Variants in C2CD4D observed in about 807,000 individuals in gnomAD.
The protein encoded by C2CD4D is C2 calcium-dependent domain-containing protein 4D.
Under a neutral mutation model 0.2 loss-of-function variants are expected in C2CD4D, and 1 was observed. The ratio of observed to expected loss-of-function variants is 4.00; its 90% CI spans 1.42 to 18.99. The LOEUF (loss-of-function observed/expected upper bound fraction) is 18.99. Ranked by LOEUF, C2CD4D falls within the 30% of genes most tolerant of loss-of-function variation. The pLI is 0.11. For synonymous variants in C2CD4D, 269 were observed against 279.8 expected (o/e 0.96, Z 0.39); for missense variants, 552 against 551.2 (o/e 1.00, Z -0.01).
Position 151,838,234 on chromosome 1 carries a change from CCCGGGGCGGGACCGCGG to C in C2CD4D, c.739_755del (p.Pro247GlufsTer104), listed in dbSNP as rs1324410189. The C allele has an allele frequency of 5.6e-6, 8 of 1,418,274 alleles. No individual in the cohort carries two copies. In the East Asian group the frequency reaches 2.1e-4, roughly 37 times the overall value. 87.9% of individuals were successfully genotyped at this position (1,418,274 alleles called of 1,614,324 possible). ...CCACACAGCAGCCGCCGCCGCCGCT[CCCGGGGCGGGACCGCGG>C]CCGGGGCAGGCCCTCGGCGCTCACT... On this transcript the variant is annotated frameshift_variant, in exon 2 of 2. Transcript: ENST00000454109. LOFTEE classifies it low-confidence loss of function (END_TRUNC).
chr1:151,838,234 C>CCCGGGGCGGGACCGCGG lies in C2CD4D; in HGVS notation c.739_755dup (p.Ser253ArgfsTer16), dbSNP rs1324410189. 5.6e-6 allele frequency: 8 copies of CCCGGGGCGGGACCGCGG among 1,418,276 alleles called. No individual in the cohort carries two copies. In the East Asian group the frequency reaches 2.1e-4, roughly 37 times the overall value. The allele number at this position is 1,418,276 out of a possible 1,614,324, so 87.9% of individuals were successfully genotyped here. On this transcript the variant is annotated frameshift_variant, in exon 2 of 2. Transcript: ENST00000454109. LOFTEE classifies it low-confidence loss of function (END_TRUNC). ...CCACACAGCAGCCGCCGCCGCCGCT[C>CCCGGGGCGGGACCGCGG]CCGGGGCGGGACCGCGGCCGGGGCA...
chr1:151,838,161 C>T lies in C2CD4D; in HGVS notation c.829G>A (p.Val277Met), dbSNP rs574774029. Residue 277 changes from valine (V) to methionine (M), a missense_variant, in exon 2 of 2, where the codon GTG becomes ATG. By Grantham distance (21) the Val-to-Met change is conservative (BLOSUM62 1). Coordinates refer to ENST00000454109, the Ensembl canonical transcript of C2CD4D. ...ATGGGGTTGGCGCTGCACTTGACCACGCGGCTCTGCTGCTCCCGCGGCCGG... is the reference window on the plus strand; with the variant it reads ...ATGGGGTTGGCGCTGCACTTGACCATGCGGCTCTGCTGCTCCCGCGGCCGG... The T allele has an allele frequency of 3.9e-5, 61 of 1,550,996 alleles. No individual in the cohort carries two copies. The African/African-American group carries it at 8.1e-4, about 21-fold the overall frequency.
At position 151,838,401 on chromosome 1, in the gene C2CD4D, G is replaced by A. The variant is rs776139582; in HGVS notation, c.589C>T (p.Leu197=). Reference sequence around the variant, plus strand: ...CGCAGCTGGCAGCACAGGAAGTCCAGGTGGAAGAGCGGCGGCGTGGGCGGC... The same window carrying A: ...CGCAGCTGGCAGCACAGGAAGTCCAAGTGGAAGAGCGGCGGCGTGGGCGGC... Residue 197 remains leucine (L), a synonymous_variant, in exon 2 of 2, where the codon CTG becomes TTG. Coordinates refer to ENST00000454109, the Ensembl canonical transcript of C2CD4D. 2.0e-4 allele frequency: 291 copies of A among 1,439,810 alleles called. No homozygotes were observed. The Middle Eastern group carries it at 3.1e-3, about 15-fold the overall frequency. 89.2% of individuals were successfully genotyped at this position (1,439,810 alleles called of 1,614,324 possible). A position where few individuals can be genotyped will look rare whatever the true frequency, so the allele number is the denominator to read the frequency against.
At chr1:151,838,900 G>T in exon 2 of C2CD4D, 1 of 1,547,208 alleles carries the variant, frequency 6.5e-7, no homozygotes, top group Non-Finnish European at 8.7e-7. Flanking sequence ...GGCCCGGGGC[G>T]CGACGCTTGG....
chr1:151,839,021 C>A, exon 2 of C2CD4D: 1 of 1,546,384 alleles, frequency 6.5e-7, no homozygotes, highest in South Asian at 1.2e-5. Context: ...TTCCGAATTC[C>A]GCAGGGCCGA....
chr1:151,838,729 G>A (rs1418398518), exon 2 of C2CD4D: 2 of 1,338,366 alleles, frequency 1.5e-6, no homozygotes, highest in Non-Finnish European at 1.9e-6. Context: ...AGCCTTCGCG[G>A]CCCGCCAGGT....
Position 151,839,091 on chromosome 1 carries a change from G to A in C2CD4D, c.-102C>T, listed in dbSNP as rs984258119. 9 of 1,355,468 alleles carry A rather than the reference G, an allele frequency of 6.6e-6. No individual in the cohort carries two copies. The African/African-American group carries it at 1.4e-4, about 20-fold the overall frequency. The allele number at this position is 1,355,468 out of a possible 1,614,324, so 84.0% of individuals were successfully genotyped here. Reference sequence around the variant, plus strand: ...GGCGGAGCGGGGCTGGGCGAGGAGCGCAGAGGAGTCAGAGGTGAGTGATGC... The same window carrying A: ...GGCGGAGCGGGGCTGGGCGAGGAGCACAGAGGAGTCAGAGGTGAGTGATGC... On this transcript the variant is annotated 5_prime_UTR_variant, in exon 2 of 2. Transcript: ENST00000454109.
At chr1:151,838,107 G>A (rs1354430772) in exon 2 of C2CD4D, 1 of 1,551,296 alleles carries the variant, frequency 6.4e-7, no homozygotes, top group Non-Finnish European at 8.7e-7. Flanking sequence ...GGGGGGCCGA[G>A]CCCGTCGAAA....
At chr1:151,839,339 A>T (rs897729485) in intron 1 of C2CD4D, 119 bp from the exon 2 acceptor site, 5 of 321,642 alleles carry the variant, frequency 1.6e-5, no homozygotes, top group African/African-American at 6.6e-5. Context: ...CCTTACAGTT[A>T]GAGGGCCCAT....
At chr1:151,839,790 G>T (rs557366035) in intron 1 of C2CD4D, among the ~76,000 whole-genome samples, 5 of 152,258 alleles carry the variant, frequency 3.3e-5, no homozygotes, top group African/African-American at 1.2e-4. Context: ...TCCAGCTCCC[G>T]CGCCTCCCAG....
exon 2 of C2CD4D, chr1:151,838,185 G>A: frequency 6.5e-7 from 1 of 1,550,028 alleles, no homozygotes; most frequent in Non-Finnish European, 8.7e-7. Context: ...TCCCGCGGCC[G>A]GACGCGGGGC....
chr1:151,838,462 C>A, exon 2 of C2CD4D: 2 of 1,397,674 alleles, frequency 1.4e-6, no homozygotes, highest in Non-Finnish European at 1.9e-6. Flanking sequence ...TGGTATCGGC[C>A]GAGCTCGCTT....
At chr1:151,837,898 G>T in exon 2 of C2CD4D, 1 of 1,484,556 alleles carries the variant, frequency 6.7e-7, no homozygotes, top group Non-Finnish European at 9.0e-7. Flanking sequence ...AGACACAGTG[G>T]AGACGTCCTG....
At chr1:151,838,179 G>A in exon 2 of C2CD4D, 1 of 1,550,130 alleles carries the variant, frequency 6.5e-7, no homozygotes. Flanking sequence ...TGCTGCTCCC[G>A]CGGCCGGACG....
At chr1:151,838,929 C>T (rs1241578768) in exon 2 of C2CD4D, 1 of 1,549,980 alleles carries the variant, frequency 6.5e-7, no homozygotes, top group East Asian at 2.5e-5. Flanking sequence ...CCGGAAGGCG[C>T]CCAACGGGCC....
Position 151,838,970 on chromosome 1 carries a change from G to C in C2CD4D, c.20C>G (p.Ala7Gly), listed in dbSNP as rs747308407. ...CTCCGCGGCCCCCACCTTATAGCCA[G>C]CTTTTTCCAAGAGCCACATGCGGTG... is the stretch of plus-strand genomic sequence containing the variant. Residue 7 changes from alanine to glycine, a missense_variant, in exon 2 of 2, where the codon GCT becomes GGT. Coordinates refer to ENST00000454109, the Ensembl canonical transcript of C2CD4D. 6 of 1,550,112 alleles carry C rather than the reference G, an allele frequency of 3.9e-6. No individual in the cohort carries two copies. The African/African-American group carries it at 5.5e-5, about 14-fold the overall frequency.
At chr1:151,838,995 G>A in exon 2 of C2CD4D, 1 of 1,549,596 alleles carries the variant, frequency 6.5e-7, no homozygotes, top group Non-Finnish European at 8.7e-7. Flanking sequence ...CACATGCGGT[G>A]GGTGGGGTAA....
exon 2 of C2CD4D, chr1:151,838,101 G>A: frequency 6.4e-7 from 1 of 1,551,374 alleles, no homozygotes; most frequent in Middle Eastern, 1.7e-4. Flanking sequence ...AGGTCCGGGG[G>A]GCCGAGCCCG....
exon 2 of C2CD4D, chr1:151,837,962 C>A (rs1357114837): frequency 1.3e-6 from 2 of 1,546,752 alleles, no homozygotes; most frequent in South Asian, 1.2e-5. Context: ...CAGGGATGAC[C>A]CGGGACCTAG....
Sources: gnomAD v4.1 joint callset for allele counts (sites outside exome capture counted in the v4.1 genomes callset) on GRCh38, gnomAD v4.1.1 for gene constraint, MANE v1.5 for transcripts, NCBI Gene and HGNC (gene_info 2026-07-23, HGNC 2026-07-21) for gene names.